Variants in EEPD1 observed in about 807,000 individuals in gnomAD.
EEPD1 encodes endonuclease/exonuclease/phosphatase family domain-containing protein 1.
EEPD1 carries 17 observed loss-of-function variants against 46.3 expected under a neutral mutation model. That is an observed-to-expected ratio of 0.37 (90% CI 0.25 to 0.55). The LOEUF is 0.55. Ranked by LOEUF, EEPD1 falls within the 20% of genes least tolerant of loss-of-function variation. The pLI is 0.83. For missense variants in EEPD1, 673 were observed against 745.6 expected, an observed-to-expected ratio of 0.90 and a Z score of 1.13; for synonymous variants, 313 against 315.6, an observed-to-expected ratio of 0.99 and a Z score of 0.09.
intron 2 of EEPD1, among the ~76,000 whole-genome samples, chr7:36,175,215 G>A (rs1894876): frequency 0.012 from 1,765 of 152,326 alleles, 41 homozygotes; most frequent in African/African-American, 0.04. Context: ...TATGTAAGGA[G>A]GCAGCTTTAC....
chr7:36,287,635 C>G lies in EEPD1; in HGVS notation c.1177-4C>G. The G allele has an allele frequency of 6.2e-7, 1 of 1,613,150 alleles. No individual in the cohort carries two copies. The highest frequency in any genetic ancestry group is 8.5e-7 in the Non-Finnish European group (1 of 1,179,518). ...TCCCTGTTGCTTTGTTTCCTGCTGC[C>G]TAGGTGGGAAGTCACGACCTGACCC... On this transcript the variant is annotated splice_polypyrimidine_tract_variant and splice_region_variant and intron_variant, in intron 5 of 7. Coordinates refer to ENST00000242108, the MANE Select transcript of EEPD1 (RefSeq NM_030636.3).
At chr7:36,270,651 A>G (rs196576) in intron 3 of EEPD1, among the ~76,000 whole-genome samples, 104,210 of 152,058 alleles carry the variant, frequency 0.69, 36,440 homozygotes, top group Non-Finnish European at 0.76. Context: ...CTTTTTTATG[A>G]CTGCATGGTA....
chr7:36,223,619 A>T (rs1786184712), intron 2 of EEPD1, among the ~76,000 whole-genome samples: 1 of 152,222 alleles, frequency 6.6e-6, no homozygotes, highest in African/African-American at 2.4e-5. Flanking sequence ...GCATGCTTTT[A>T]AATTATATAA....
At chr7:36,167,413 A>G (rs1785003992) in intron 2 of EEPD1, among the ~76,000 whole-genome samples, 1 of 152,158 alleles carries the variant, frequency 6.6e-6, no homozygotes, top group African/African-American at 2.4e-5. Flanking sequence ...TCCTGGAGTG[A>G]CACACTGCTC....
intron 2 of EEPD1, among the ~76,000 whole-genome samples, chr7:36,166,493 G>A (rs1386925806): frequency 6.6e-6 from 1 of 152,152 alleles, no homozygotes; most frequent in Non-Finnish European, 1.5e-5. Flanking sequence ...GGTCTAGGTG[G>A]AAGGATCACT....
At chr7:36,183,327 G>C (rs999778661) in intron 2 of EEPD1, among the ~76,000 whole-genome samples, 1 of 152,190 alleles carries the variant, frequency 6.6e-6, no homozygotes, top group Non-Finnish European at 1.5e-5. Flanking sequence ...CGGTCAGTCT[G>C]AGCATGATCT....
chr7:36,169,633 T>C (rs146479824), intron 2 of EEPD1, among the ~76,000 whole-genome samples: 131 of 152,362 alleles, frequency 8.6e-4, no homozygotes, highest in African/African-American at 3.1e-3. Flanking sequence ...TTTCACTCCC[T>C]CTTCCCCTCT....
At chr7:36,173,344 A>AC (rs1487349556) in intron 2 of EEPD1, among the ~76,000 whole-genome samples, 2 of 150,768 alleles carry the variant, frequency 1.3e-5, no homozygotes, top group Admixed American at 6.6e-5. Flanking sequence ...AAAAAAAAAA[A>AC]AAAACTTAGC....
At chr7:36,288,488 C>T (rs196597) in intron 6 of EEPD1, among the ~76,000 whole-genome samples, 11,202 of 152,208 alleles carry the variant, frequency 0.074, 582 homozygotes, top group Non-Finnish European at 0.11. Flanking sequence ...TAGCTAGGCA[C>T]GGTAGCTCAT....
chr7:36,270,425 A>G (rs12536525), intron 3 of EEPD1, among the ~76,000 whole-genome samples: 82,803 of 151,904 alleles, frequency 0.55, 22,858 homozygotes, highest in South Asian at 0.59. Context: ...CATCATCTAC[A>G]TTAGGTATAT....
At chr7:36,283,360 G>T (rs1787290525) in intron 4 of EEPD1, among the ~76,000 whole-genome samples, 2 of 152,168 alleles carry the variant, frequency 1.3e-5, no homozygotes, top group African/African-American at 2.4e-5. Context: ...GAAGGAGTAG[G>T]CCCCACCGCA....
intron 2 of EEPD1, among the ~76,000 whole-genome samples, chr7:36,180,572 C>T (rs1297163434): frequency 6.6e-6 from 1 of 152,180 alleles, no homozygotes; most frequent in Admixed American, 6.5e-5. Flanking sequence ...ATGCTTGGAA[C>T]ACATTCGTGA....
intron 2 of EEPD1, among the ~76,000 whole-genome samples, chr7:36,182,226 T>C (rs528642065): frequency 2.2e-4 from 34 of 152,372 alleles, no homozygotes; most frequent in African/African-American, 7.5e-4. Context: ...ATTTCTGTTC[T>C]ATAGTGTTCA....
At chr7:36,280,230 C>T (rs12154768) in intron 3 of EEPD1, among the ~76,000 whole-genome samples, 25,189 of 152,074 alleles carry the variant, frequency 0.17, 2,184 homozygotes, top group Middle Eastern at 0.26. Flanking sequence ...CAGCTGGCGA[C>T]GGGTACAGAT....
intron 2 of EEPD1, among the ~76,000 whole-genome samples, chr7:36,180,851 C>T (rs1785259535): frequency 6.6e-6 from 1 of 151,936 alleles, no homozygotes; most frequent in Non-Finnish European, 1.5e-5. Context: ...GGCTCAGGCC[C>T]CCCACCCCCT....
chr7:36,263,554 G>A (rs1475506857), intron 3 of EEPD1, among the ~76,000 whole-genome samples: 1 of 152,156 alleles, frequency 6.6e-6, no homozygotes, highest in African/African-American at 2.4e-5. Flanking sequence ...TATAGCTCTG[G>A]GGATCTTCAG....
In EEPD1 at chr7:36,154,112, G is replaced by A; in HGVS notation, c.-192-21G>A. 4 of 619,046 alleles carry A rather than the reference G, an allele frequency of 6.5e-6. No homozygotes were observed. The highest frequency in any genetic ancestry group is 6.2e-5 in the South Asian group (3 of 48,104). 38.3% of individuals were successfully genotyped at this position (619,046 alleles called of 1,614,324 possible). A position where few individuals can be genotyped will look rare whatever the true frequency, so the allele number is the denominator to read the frequency against. ...ATTTCTTAATTCAATGGGTTTCTATGTTTATTGATTTATTTTCTAGGCGGC... is the reference window on the plus strand; with the variant it reads ...ATTTCTTAATTCAATGGGTTTCTATATTTATTGATTTATTTTCTAGGCGGC... On this transcript the variant is annotated intron_variant, in intron 1 of 7. Coordinates refer to ENST00000242108, the MANE Select transcript of EEPD1 (RefSeq NM_030636.3). This position sits in a 1 kb window ranked among gnomAD's most constrained non-coding sequence, Gnocchi z 4.2.
chr7:36,157,585 G>T (rs1784845135), intron 2 of EEPD1, among the ~76,000 whole-genome samples: 1 of 152,188 alleles, frequency 6.6e-6, no homozygotes, highest in African/African-American at 2.4e-5. Context: ...GTGTAGAAGG[G>T]ATCACCTGTA....
intron 2 of EEPD1, among the ~76,000 whole-genome samples, chr7:36,202,238 G>A (rs1200705897): frequency 2.0e-5 from 3 of 152,186 alleles, no homozygotes; most frequent in Non-Finnish European, 2.9e-5. Flanking sequence ...TGCAGGACAT[G>A]CATCATTCCC....
Sources: allele counts gnomAD v4.1 joint callset (sites outside exome capture counted in the v4.1 genomes callset), GRCh38; gene constraint gnomAD v4.1.1; non-coding constraint Gnocchi (gnomAD v3.1); transcripts MANE v1.5; gene names NCBI Gene and HGNC (gene_info 2026-07-23, HGNC 2026-07-21).